ERC1: variants seen among roughly 807,000 people sequenced by gnomAD.
ERC1 encodes the protein RAB6 interacting protein 2.
Under a neutral mutation model 132.0 loss-of-function variants are expected in ERC1, and 56 were observed. The observed-to-expected ratio is 0.42, with a 90% CI of 0.34 to 0.53. ERC1 has a LOEUF of 0.53. Ranked by LOEUF, ERC1 falls within the 20% of genes least tolerant of loss-of-function variation. The pLI, the probability that ERC1 is intolerant of heterozygous loss-of-function variation, is 0.03. For synonymous variants in ERC1, 478 were observed against 476.1 expected, an observed-to-expected ratio of 1.00 and a Z score of -0.05; for missense variants, 1,202 against 1,349.9, an observed-to-expected ratio of 0.89 and a Z score of 1.72.
chr12:1,355,011 C>T (rs1454817513), intron 15 of ERC1, among the ~76,000 whole-genome samples: 1 of 152,084 alleles, frequency 6.6e-6, no homozygotes, highest in Non-Finnish European at 1.5e-5. Flanking sequence ...GATGTTCCAC[C>T]CAGAAAAGAG....
intron 7 of ERC1, among the ~76,000 whole-genome samples, chr12:1,139,704 GA>G (rs1040183304): frequency 2.7e-5 from 4 of 146,364 alleles, no homozygotes; most frequent in East Asian, 3.9e-4. Flanking sequence ...AAACAGGTAT[GA>G]TTTTTTTTTT....
At chr12:1,178,043 T>C (rs1361198292) in intron 8 of ERC1, among the ~76,000 whole-genome samples, 1 of 152,232 alleles carries the variant, frequency 6.6e-6, no homozygotes, top group African/African-American at 2.4e-5. Context: ...GGTCTCTTAC[T>C]GGGCAATTCA....
chr12:1,372,935 T>C (rs2087420103), intron 16 of ERC1, among the ~76,000 whole-genome samples: 1 of 152,254 alleles, frequency 6.6e-6, no homozygotes, highest in African/African-American at 2.4e-5. Flanking sequence ...ACAAAGTTAT[T>C]TTCTCTGTGG....
At chr12:996,559 C>G (rs1173143739) in intron 1 of ERC1, among the ~76,000 whole-genome samples, 1 of 152,054 alleles carries the variant, frequency 6.6e-6, no homozygotes, top group Admixed American at 6.5e-5. Context: ...AGCCACTGCA[C>G]TCCAGCCTGG....
chr12:1,225,492 A>G (rs2074508114), intron 12 of ERC1, among the ~76,000 whole-genome samples: 1 of 150,652 alleles, frequency 6.6e-6, no homozygotes, highest in Non-Finnish European at 1.5e-5. Context: ...ACACACACAC[A>G]CGGAGTGGTT....
At chr12:1,080,107 A>G (rs1225123734) in intron 2 of ERC1, among the ~76,000 whole-genome samples, 1 of 152,242 alleles carries the variant, frequency 6.6e-6, no homozygotes, top group East Asian at 1.9e-4. Context: ...TATGACCAAC[A>G]TCTTCTCTCC....
In ERC1 at chr12:1,028,195, C is replaced by G; in HGVS notation, c.292C>G (p.Leu98Val). Residue 98 changes from leucine to valine, a missense_variant, in exon 2 of 19, where the codon CTG (leucine) becomes GTG (valine). Physicochemically the swap from Leu to Val is conservative, Grantham distance 32 (BLOSUM62 1). Coordinates refer to ENST00000360905, the MANE Select transcript of ERC1 (RefSeq NM_178040.4). ...TMTLGRSGGR[L>V]PYGVRMTAMG... ...GACACTTGGCCGTTCTGGGGGACGTCTGCCTTACGGTGTTCGGATGACTGC... is the reference window on the plus strand; with the variant it reads ...GACACTTGGCCGTTCTGGGGGACGTGTGCCTTACGGTGTTCGGATGACTGC... The G allele has an allele frequency of 1.2e-6, 2 of 1,614,234 alleles. No homozygotes were observed. The highest frequency in any genetic ancestry group is 1.7e-6 in the Non-Finnish European group (2 of 1,180,048).
chr12:1,070,110 T>TA (rs748413515), intron 2 of ERC1, among the ~76,000 whole-genome samples: 1 of 152,168 alleles, frequency 6.6e-6, no homozygotes, highest in Non-Finnish European at 1.5e-5. Flanking sequence ...GTGGTTTTCT[T>TA]ACTTTGTTGT....
intron 15 of ERC1, among the ~76,000 whole-genome samples, chr12:1,333,838 C>A (rs1196997575): frequency 1.3e-5 from 2 of 152,172 alleles, no homozygotes; most frequent in Non-Finnish European, 2.9e-5. Context: ...TGCTGTCTTC[C>A]ACAATGGTTG....
intron 18 of ERC1, among the ~76,000 whole-genome samples, chr12:1,486,676 C>T (rs58064734): frequency 0.043 from 6,499 of 152,158 alleles, 189 homozygotes; most frequent in African/African-American, 0.076. Context: ...CCGCCCACCT[C>T]GGCCTCCCAA....
chr12:1,181,873 CAT>C lies in ERC1; in HGVS notation c.1876-48_1876-47del, dbSNP rs1366596437. 1.9e-6 allele frequency: 3 copies of C among 1,550,494 alleles called. No individual in the cohort carries two copies. In the South Asian group the frequency reaches 3.7e-5, roughly 19 times the overall value. ...ATTCTGCTAAAAGCAGAATTACAGT[CAT>C]ATAAGTGCAAAAGGGAATTTCTTCA... On this transcript the variant is annotated intron_variant, in intron 9 of 18. Transcript: ENST00000360905.
chr12:1,110,399 C>T (rs375218485), intron 5 of ERC1, 52 bp downstream of exon 5: 1 of 1,470,312 alleles, frequency 6.8e-7, no homozygotes, highest in Non-Finnish European at 9.3e-7. Flanking sequence ...AAAATTGATG[C>T]ATATTTTTTA....
intron 18 of ERC1, among the ~76,000 whole-genome samples, chr12:1,450,461 G>A (rs2093401559): frequency 6.6e-6 from 1 of 152,156 alleles, no homozygotes; most frequent in African/African-American, 2.4e-5. Context: ...GTTGCACCTT[G>A]TTTAAGGAAA....
intron 14 of ERC1, among the ~76,000 whole-genome samples, chr12:1,264,594 G>A (rs1181564344): frequency 1.3e-5 from 2 of 152,090 alleles, no homozygotes; most frequent in South Asian, 2.1e-4. Flanking sequence ...AACCTGGGAG[G>A]CGGAGCTTGC....
At chr12:1,154,577 T>A (rs1951189617) in intron 8 of ERC1, among the ~76,000 whole-genome samples, 1 of 151,882 alleles carries the variant, frequency 6.6e-6, no homozygotes, top group Non-Finnish European at 1.5e-5. Context: ...TGGACTTAAT[T>A]AAACTAAAAA....
intron 4 of ERC1, among the ~76,000 whole-genome samples, chr12:1,109,830 G>A (rs1313758020): frequency 2.0e-5 from 3 of 152,124 alleles, no homozygotes; most frequent in African/African-American, 4.8e-5. Context: ...GGTGTATCAC[G>A]TGAGGTCAGG....
chr12:1,366,115 A>T (rs929623988), intron 15 of ERC1, among the ~76,000 whole-genome samples: 3 of 152,224 alleles, frequency 2.0e-5, no homozygotes, highest in Non-Finnish European at 4.4e-5. Flanking sequence ...TGTAAGATGA[A>T]GAGAGTTCTG....
chr12:1,097,075 G>A (rs79076959), intron 3 of ERC1, among the ~76,000 whole-genome samples: 7 of 151,972 alleles, frequency 4.6e-5, no homozygotes, highest in South Asian at 2.1e-4. Context: ...CTTAATTACC[G>A]ATTTGCCCTT....
chr12:1,080,339 A>G (rs1942008766), intron 2 of ERC1, among the ~76,000 whole-genome samples: 5 of 152,004 alleles, frequency 3.3e-5, no homozygotes, highest in Admixed American at 3.3e-4. Context: ...TATCAATTCG[A>G]CTGCTCTAGA....
Sources: allele counts gnomAD v4.1 joint callset (sites outside exome capture counted in the v4.1 genomes callset), GRCh38; gene constraint gnomAD v4.1.1; transcripts MANE v1.5; gene names NCBI Gene and HGNC (gene_info 2026-07-23, HGNC 2026-07-21).